Variants in UACA observed in about 807,000 individuals in gnomAD.
UACA encodes the protein nuclear membrane binding protein.
Under a neutral mutation model 160.5 loss-of-function variants are expected in UACA, and 112 were observed. The ratio of observed to expected loss-of-function variants is 0.70; its 90% CI spans 0.60 to 0.82. The LOEUF is 0.82. Ranked by LOEUF, UACA falls within the 40% of genes least tolerant of loss-of-function variation. UACA has a pLI of 0.00. For missense variants in UACA, 1,574 were observed against 1,614.6 expected (o/e 0.97, Z 0.43); for synonymous variants, 557 against 568.4 (o/e 0.98, Z 0.29).
rs112834861 is a variant in UACA, at chr15:70,669,715, A to G, written c.1222-253T>C. The stretch of plus-strand genomic sequence containing the variant: ...AAGTCTATTTCTGGCAGAACAACGG[A>G]CAATGGCCATGGCTACTGGGTGCTA... On this transcript the variant is annotated intron_variant, in intron 15 of 18. Coordinates refer to ENST00000322954, the MANE Select transcript of UACA (RefSeq NM_018003.4). Among the ~76,000 whole-genome samples the G allele has an allele frequency of 5.0e-3, 757 of 152,310 alleles. 4 individuals carry two copies. Among genetic ancestry groups the G allele is most frequent in the African/African-American group, 0.017 (723 of 41,576 alleles).
At chr15:70,703,228 G>A (rs1457788070) in intron 1 of UACA, 1 of 1,288,606 alleles carries the variant, frequency 7.8e-7, no homozygotes, top group Non-Finnish European at 1.0e-6. Flanking sequence ...AATAGCATGA[G>A]AATAATTTAC....
intron 1 of UACA, among the ~76,000 whole-genome samples, chr15:70,747,272 T>TCTTG (rs2141007975): frequency 7.2e-6 from 1 of 139,388 alleles, no homozygotes; most frequent in East Asian, 2.0e-4. Flanking sequence ...TTAGATGGAG[T>TCTTG]CTTGCTCTGC....
intron 2 of UACA, among the ~76,000 whole-genome samples, chr15:70,695,885 G>A (rs138705145): frequency 5.3e-4 from 80 of 152,216 alleles, no homozygotes; most frequent in Non-Finnish European, 1.0e-3. Context: ...GAAATATTTT[G>A]TGTGCAATGA....
intron 15 of UACA, 44 bp from the exon 16 acceptor site, chr15:70,669,506 G>A (rs762689450): frequency 1.3e-5 from 19 of 1,443,856 alleles, no homozygotes; most frequent in Non-Finnish European, 1.7e-5. Flanking sequence ...AAGCCTAAAT[G>A]AGACATTTAC....
intron 1 of UACA, among the ~76,000 whole-genome samples, chr15:70,719,465 T>C (rs187394077): frequency 3.3e-5 from 5 of 152,304 alleles, no homozygotes; most frequent in Admixed American, 3.3e-4. Context: ...AAGCTCAAGA[T>C]ACCTGTACTG....
Position 70,667,243 on chromosome 15 carries a change from C to CT in UACA, c.3440dup (p.Thr1148AspfsTer26). 6.2e-7 allele frequency: 1 copy of CT among 1,613,924 alleles called. No individual in the cohort carries two copies. Among genetic ancestry groups the CT allele is most frequent in the Non-Finnish European group, 8.5e-7 (1 of 1,179,954 alleles). ...ACAATTGATGCAGTTTGGTCACTGTCTGCTGCTCTTTCTCGTAACACCTTT... is the reference window on the plus strand; with the variant it reads ...ACAATTGATGCAGTTTGGTCACTGTCTTGCTGCTCTTTCTCGTAACACCTTT... On this transcript the variant is annotated frameshift_variant, in exon 16 of 19. Coordinates refer to ENST00000322954, the MANE Select transcript of UACA (RefSeq NM_018003.4). LOFTEE classifies it high-confidence loss of function.
chr15:70,724,154 T>C (rs1899079948), intron 1 of UACA, among the ~76,000 whole-genome samples: 1 of 152,214 alleles, frequency 6.6e-6, no homozygotes, highest in African/African-American at 2.4e-5. Context: ...TTTGTCTACA[T>C]AGAGTAGGCA....
chr15:70,756,292 T>C (rs1159841066), intron 1 of UACA, among the ~76,000 whole-genome samples: 1 of 151,710 alleles, frequency 6.6e-6, no homozygotes, highest in African/African-American at 2.4e-5. Flanking sequence ...TCAGCCTCCC[T>C]AGTAGCTGAG....
upstream of UACA, chr15:70,768,215 G>A (rs931004032): frequency 6.6e-6 from 1 of 152,158 alleles, no homozygotes; most frequent in African/African-American, 2.4e-5. Flanking sequence ...CATCTCCCCT[G>A]TTGAGGATTG....
chr15:70,770,388 C>T, the UACA span, among the ~76,000 whole-genome samples: 4 of 152,248 alleles, frequency 2.6e-5, no homozygotes, highest in East Asian at 1.9e-4. Flanking sequence ...GAGATTTGTC[C>T]ACTCTTATGT....
chr15:70,776,919 G>A, the UACA span, among the ~76,000 whole-genome samples: 1 of 152,190 alleles, frequency 6.6e-6, no homozygotes, highest in Non-Finnish European at 1.5e-5. Context: ...AAGGGTAAGA[G>A]AGGGAGGAAA....
intron 2 of UACA, among the ~76,000 whole-genome samples, chr15:70,697,965 G>A (rs951423341): frequency 4.6e-5 from 7 of 152,114 alleles, no homozygotes; most frequent in Admixed American, 2.0e-4. Context: ...CAGGAGAATC[G>A]CTTGAACCCG....
At chr15:70,740,632 T>C (rs1368088072) in intron 1 of UACA, among the ~76,000 whole-genome samples, 14 of 55,108 alleles carry the variant, frequency 2.5e-4, no homozygotes, top group African/African-American at 1.0e-3. Flanking sequence ...AGCAAGACCC[T>C]GTCTCAAAAA....
At chr15:70,670,024 G>T (rs75424539) in intron 15 of UACA, among the ~76,000 whole-genome samples, 2,462 of 152,162 alleles carry the variant, frequency 0.016, 62 homozygotes, top group African/African-American at 0.057. Flanking sequence ...ACCACGAAAA[G>T]AAACCCAGCT....
chr15:70,670,444 G>A (rs770404670), intron 15 of UACA, among the ~76,000 whole-genome samples: 8 of 152,184 alleles, frequency 5.3e-5, no homozygotes, highest in Middle Eastern at 3.4e-3. Context: ...CTCTCAAGCC[G>A]CCCACTTGGC....
intron 17 of UACA, chr15:70,661,511 C>T (rs1311120405): frequency 6.6e-6 from 1 of 152,028 alleles, no homozygotes; most frequent in East Asian, 1.9e-4. Flanking sequence ...AATCTGTAGG[C>T]CTACAGTGTT....
chr15:70,656,925 C>A lies in UACA; in HGVS notation c.*131G>T, dbSNP rs988859145. 24 of 555,554 alleles carry A rather than the reference C, an allele frequency of 4.3e-5. No homozygotes were observed. Among genetic ancestry groups the A allele is most frequent in the African/African-American group, 1.5e-4 (8 of 52,356 alleles). 34.4% of individuals were successfully genotyped at this position (555,554 alleles called of 1,614,324 possible). A position where few individuals can be genotyped will look rare whatever the true frequency, so the allele number is the denominator to read the frequency against. On this transcript the variant is annotated 3_prime_UTR_variant, in exon 19 of 19. Coordinates refer to ENST00000322954, the MANE Select transcript of UACA (RefSeq NM_018003.4). ...ATATTCATCTAATTTTAAAAAAAAACCTACCAATAGAACAAAATATATTTT... is the reference window on the plus strand; with the variant it reads ...ATATTCATCTAATTTTAAAAAAAAAACTACCAATAGAACAAAATATATTTT...
intron 1 of UACA, among the ~76,000 whole-genome samples, chr15:70,738,184 T>C (rs185682924): frequency 2.0e-5 from 3 of 152,242 alleles, no homozygotes; most frequent in Admixed American, 1.3e-4. Flanking sequence ...TATTCATCAG[T>C]AAAAATCAGA....
In UACA at chr15:70,749,485, C is replaced by T. The variant is rs1899817963; in HGVS notation, c.78+13845G>A. 2.0e-5 allele frequency among the ~76,000 whole-genome samples: 3 copies of T among 150,972 alleles called. No homozygotes were observed. The South Asian group carries it at 6.3e-4, about 32-fold the overall frequency. ...AGTTTTCAATGAGCCGAGATCACGC[C>T]ACCGCACTCTGGCCTGGGCGATAAG... On this transcript the variant is annotated intron_variant, in intron 1 of 18. Coordinates refer to ENST00000322954, the MANE Select transcript of UACA (RefSeq NM_018003.4).
Sources: gnomAD v4.1 joint callset for allele counts (sites outside exome capture counted in the v4.1 genomes callset) on GRCh38, gnomAD v4.1.1 for gene constraint, MANE v1.5 for transcripts, NCBI Gene and HGNC (gene_info 2026-07-23, HGNC 2026-07-21) for gene names.